CSMD1: variants seen among roughly 807,000 people sequenced by gnomAD.
The protein encoded by CSMD1 is CUB and Sushi multiple domains 1.
Under a neutral mutation model 417.5 loss-of-function variants are expected in CSMD1, and 213 were observed. The observed-to-expected ratio is 0.51, with a 90% CI of 0.46 to 0.57. CSMD1 has a LOEUF of 0.57. Among genes scored for constraint, CSMD1 ranks in the 20% least tolerant of loss-of-function variants. The pLI, the probability that CSMD1 is intolerant of heterozygous loss-of-function variation, is 0.00. For synonymous variants in CSMD1, 2,862 were observed against 1,736.8 expected, an observed-to-expected ratio of 1.65 and a Z score of -16.11; for missense variants, 6,923 against 4,529.7, an observed-to-expected ratio of 1.53 and a Z score of -15.17.
At chr8:4,701,158 C>A (rs1807512065) in intron 1 of CSMD1, among the ~76,000 whole-genome samples, 1 of 151,944 alleles carries the variant, frequency 6.6e-6, no homozygotes, top group Non-Finnish European at 1.5e-5. Flanking sequence ...GCTGTGGGCT[C>A]CCCCACAGCT....
At chr8:3,883,822 C>T (rs897482084) in intron 5 of CSMD1, among the ~76,000 whole-genome samples, 1 of 151,928 alleles carries the variant, frequency 6.6e-6, no homozygotes, top group South Asian at 2.1e-4. Flanking sequence ...AACTACTGAT[C>T]AGAGGAATGA....
At chr8:4,980,532 G>A (rs916687758) in intron 1 of CSMD1, among the ~76,000 whole-genome samples, 4 of 152,178 alleles carry the variant, frequency 2.6e-5, no homozygotes, top group Admixed American at 6.5e-5. Context: ...CTGCCTTTTG[G>A]GTGAGATATT....
At chr8:4,675,533 C>T (rs1369508277) in intron 1 of CSMD1, among the ~76,000 whole-genome samples, 1 of 152,020 alleles carries the variant, frequency 6.6e-6, no homozygotes, top group African/African-American at 2.4e-5. Flanking sequence ...GGGACAAGTT[C>T]TGAGAATGGT....
At chr8:3,757,187 C>T (rs971460760) in intron 5 of CSMD1, among the ~76,000 whole-genome samples, 1 of 152,174 alleles carries the variant, frequency 6.6e-6, no homozygotes, top group African/African-American at 2.4e-5. Context: ...CACATCCACT[C>T]TTTACCCTCA....
At chr8:3,045,093 T>C (rs142004406) in intron 50 of CSMD1, among the ~76,000 whole-genome samples, 1 of 152,194 alleles carries the variant, frequency 6.6e-6, no homozygotes, top group Non-Finnish European at 1.5e-5. Flanking sequence ...GCCACATCTC[T>C]TTTTTACAAA....
chr8:4,450,478 G>T (rs980174020), intron 2 of CSMD1, among the ~76,000 whole-genome samples: 4 of 151,980 alleles, frequency 2.6e-5, no homozygotes, highest in Non-Finnish European at 5.9e-5. Flanking sequence ...ATACAAAATT[G>T]ACAAAAATTA....
chr8:3,025,291 A>G (rs564139806), intron 51 of CSMD1, among the ~76,000 whole-genome samples: 1 of 151,792 alleles, frequency 6.6e-6, no homozygotes, highest in Non-Finnish European at 1.5e-5. Flanking sequence ...TGTTATTCTG[A>G]AACTGTGTAT....
chr8:4,761,874 T>TCTATCTAC (rs1563319040), intron 1 of CSMD1, among the ~76,000 whole-genome samples: 1 of 92,192 alleles, frequency 1.1e-5, no homozygotes, highest in Non-Finnish European at 2.3e-5. Flanking sequence ...TATCTATCTA[T>TCTATCTAC]CTATCTATCT....
At chr8:3,725,282 G>C (rs1234952521) in intron 6 of CSMD1, among the ~76,000 whole-genome samples, 1 of 152,192 alleles carries the variant, frequency 6.6e-6, no homozygotes, top group Non-Finnish European at 1.5e-5. Context: ...GGCAGGTCCA[G>C]GGCCATGAAG....
At chr8:3,835,463 C>A (rs1304195368) in intron 5 of CSMD1, among the ~76,000 whole-genome samples, 1 of 151,878 alleles carries the variant, frequency 6.6e-6, no homozygotes, top group Non-Finnish European at 1.5e-5. Flanking sequence ...CAAACTACCG[C>A]CAGGACAAAA....
intron 1 of CSMD1, among the ~76,000 whole-genome samples, chr8:4,990,861 G>A (rs2924715): frequency 0.19 from 28,826 of 152,024 alleles, 3,697 homozygotes; most frequent in African/African-American, 0.36. Flanking sequence ...GCAGGTATGG[G>A]AGGGCGCACC....
chr8:3,637,699 G>A (rs138352772), intron 7 of CSMD1, among the ~76,000 whole-genome samples: 368 of 152,216 alleles, frequency 2.4e-3, no homozygotes, highest in African/African-American at 8.6e-3. Context: ...ATTACCTCTG[G>A]CATACAGGTG....
At chr8:4,459,776 G>C (rs1334590241) in intron 2 of CSMD1, among the ~76,000 whole-genome samples, 1 of 152,186 alleles carries the variant, frequency 6.6e-6, no homozygotes, top group Non-Finnish European at 1.5e-5. Flanking sequence ...AGAACTATGA[G>C]AAAATTAATT....
intron 25 of CSMD1, among the ~76,000 whole-genome samples, chr8:3,296,294 C>T (rs1418427744): frequency 1.3e-5 from 2 of 151,494 alleles, no homozygotes; most frequent in African/African-American, 4.9e-5. Context: ...AGCAGAAGCC[C>T]CACGTAAGGG....
At chr8:4,336,203 G>A (rs913015595) in intron 3 of CSMD1, among the ~76,000 whole-genome samples, 4 of 152,160 alleles carry the variant, frequency 2.6e-5, no homozygotes, top group Non-Finnish European at 5.9e-5. Context: ...CTCAGGGAAT[G>A]CAGGTAGTAT....
chr8:3,198,364 G>A (rs981796028), intron 33 of CSMD1, among the ~76,000 whole-genome samples: 4 of 152,214 alleles, frequency 2.6e-5, no homozygotes, highest in Admixed American at 6.5e-5. Context: ...ACGTGATTCT[G>A]CTTTTGCAAA....
chr8:3,429,199 C>A (rs551096646), intron 12 of CSMD1, among the ~76,000 whole-genome samples: 5 of 151,474 alleles, frequency 3.3e-5, no homozygotes, highest in Non-Finnish European at 7.4e-5. Flanking sequence ...ATGTTTTTAC[C>A]GTAAAGAAAC....
chr8:3,613,245 T>C (rs375252752), intron 8 of CSMD1: 37 of 424,662 alleles, frequency 8.7e-5, no homozygotes, highest in African/African-American at 7.4e-4. Context: ...AGCCTGTAAG[T>C]AGAAAAGAAA....
intron 8 of CSMD1, among the ~76,000 whole-genome samples, chr8:3,591,117 GTAGT>G (rs1453690632): frequency 2.0e-5 from 3 of 152,134 alleles, no homozygotes; most frequent in East Asian, 3.9e-4. Flanking sequence ...ACAATTGTTA[GTAGT>G]TAGTAACTGT....
Sources: allele counts gnomAD v4.1 joint callset (sites outside exome capture counted in the v4.1 genomes callset), GRCh38; gene constraint gnomAD v4.1.1; transcripts MANE v1.5; gene names NCBI Gene and HGNC (gene_info 2026-07-23, HGNC 2026-07-21).